Variants in POLN observed in about 807,000 individuals in gnomAD.
POLN encodes the protein DNA polymerase N.
Under a neutral mutation model 113.5 loss-of-function variants are expected in POLN, and 108 were observed. That is an observed-to-expected ratio of 0.95 (90% CI 0.81 to 1.12). POLN has a LOEUF of 1.12. Ranked by LOEUF, POLN falls within the 50% of genes most tolerant of loss-of-function variation. The pLI is 0.00. For missense variants in POLN, 1,097 were observed against 1,077.1 expected (o/e 1.02, Z -0.26); for synonymous variants, 386 against 391.5 (o/e 0.99, Z 0.17).
intron 20 of POLN, among the ~76,000 whole-genome samples, chr4:2,094,701 G>A (rs996628204): frequency 3.3e-5 from 5 of 152,194 alleles, no homozygotes; most frequent in Non-Finnish European, 7.3e-5. Context: ...GCAAAGCTCT[G>A]AGGTTGGAGC....
chr4:2,107,504 T>C (rs1731092442), intron 19 of POLN, among the ~76,000 whole-genome samples: 1 of 152,136 alleles, frequency 6.6e-6, no homozygotes, highest in Non-Finnish European at 1.5e-5. Context: ...GCTGACTGAA[T>C]CTTAGAGAGA....
chr4:2,186,270 T>C (rs1279509871), intron 7 of POLN, among the ~76,000 whole-genome samples: 1 of 152,114 alleles, frequency 6.6e-6, no homozygotes, highest in Non-Finnish European at 1.5e-5. Flanking sequence ...GCATCATGAG[T>C]GTCTGAAGGG....
rs35624275 is a variant in POLN, at chr4:2,073,542, A to G, written c.2456-513T>C. ...TGAGGCAACAGTGGCTTTGTGCCACAGGCAGGCTGACCCCGTTGTTGGGGC... is the reference window on the plus strand; with the variant it reads ...TGAGGCAACAGTGGCTTTGTGCCACGGGCAGGCTGACCCCGTTGTTGGGGC... On this transcript the variant is annotated intron_variant, in intron 24 of 25. Transcript: ENST00000511885. Among the ~76,000 whole-genome samples, 271 of 152,362 alleles carry G rather than the reference A, an allele frequency of 1.8e-3. 1 individual carries two copies. The highest frequency in any genetic ancestry group is 6.3e-3 in the African/African-American group (260 of 41,582).
intron 19 of POLN, among the ~76,000 whole-genome samples, chr4:2,096,774 T>C (rs1730807599): frequency 6.6e-6 from 1 of 151,644 alleles, no homozygotes; most frequent in Non-Finnish European, 1.5e-5. Flanking sequence ...CTTCTCCCAA[T>C]CTGTTTTGTG....
intron 14 of POLN, among the ~76,000 whole-genome samples, chr4:2,158,304 G>A (rs1018545637): frequency 1.3e-5 from 2 of 152,106 alleles, no homozygotes; most frequent in Admixed American, 6.6e-5. Context: ...TGCCGGGCAC[G>A]TGCTGCTACT....
chr4:2,114,263 T>G (rs1731266844), intron 19 of POLN, among the ~76,000 whole-genome samples: 1 of 152,034 alleles, frequency 6.6e-6, no homozygotes, highest in South Asian at 2.1e-4. Flanking sequence ...TATAAAAATA[T>G]ATAAAATAAA....
intron 16 of POLN, among the ~76,000 whole-genome samples, chr4:2,145,079 C>T (rs575579877): frequency 9.9e-5 from 15 of 151,832 alleles, no homozygotes; most frequent in Admixed American, 1.3e-4. Flanking sequence ...AAACAGTTAC[C>T]CAAATGGAAA....
At chr4:2,240,406 T>C in intron 2 of POLN, 1 of 1,613,002 alleles carries the variant, frequency 6.2e-7, no homozygotes, top group Non-Finnish European at 8.5e-7. Flanking sequence ...TTAGAATGTC[T>C]GAAGAACATC....
intron 20 of POLN, among the ~76,000 whole-genome samples, chr4:2,087,109 C>T (rs554536442): frequency 1.3e-5 from 2 of 152,304 alleles, no homozygotes; most frequent in Non-Finnish European, 2.9e-5. Context: ...GTCTAGGGTG[C>T]CCTGTTCTCC....
chr4:2,163,110 C>A (rs1732642739), intron 13 of POLN, among the ~76,000 whole-genome samples: 1 of 146,780 alleles, frequency 6.8e-6, no homozygotes, highest in African/African-American at 2.5e-5. Flanking sequence ...TGGGGGAGAA[C>A]TGATTATATG....
At chr4:2,097,270 A>AG (rs1337313481) in intron 19 of POLN, among the ~76,000 whole-genome samples, 2 of 151,660 alleles carry the variant, frequency 1.3e-5, no homozygotes, top group Admixed American at 6.6e-5. Flanking sequence ...AGCAGGGACC[A>AG]GGTCCCATGC....
At chr4:2,116,887 G>A (rs906926127) in intron 19 of POLN, among the ~76,000 whole-genome samples, 1 of 152,162 alleles carries the variant, frequency 6.6e-6, no homozygotes, top group Non-Finnish European at 1.5e-5. Flanking sequence ...TGACTCAGAC[G>A]CCTAGCAAAA....
rs1730253727 is a variant in POLN, at chr4:2,075,497, C to T, written c.2410G>A (p.Glu804Lys). The T allele has an allele frequency of 5.6e-6, 9 of 1,613,412 alleles. No individual in the cohort carries two copies. The highest frequency in any genetic ancestry group is 1.7e-5 in the Admixed American group (1 of 60,006). ...GGATCTTCCACTTCAAACAGCAGCT[C>T]ATCATGGATCTGGGCCACCAGCCTG... ...TARLVAQIHD[E>K]LLFEVEDPQI... The change falls in exon 24 of 26, where the codon GAG becomes AAG. Residue 804 changes from glutamate (E) to lysine (K), a missense_variant. By Grantham distance (56) the Glu-to-Lys change is moderately conservative. Coordinates refer to ENST00000511885, the MANE Select transcript of POLN (RefSeq NM_181808.4).
chr4:2,081,888 T>C (rs1187851821), intron 21 of POLN, 145 bp from the exon 22 acceptor site: 2 of 627,734 alleles, frequency 3.2e-6, no homozygotes, highest in African/African-American at 1.9e-5. Flanking sequence ...TTCGGGTCTA[T>C]CATGGGGGCA....
At chr4:2,188,619 AAAAAC>A (rs1459382661) in intron 7 of POLN, among the ~76,000 whole-genome samples, 2 of 137,578 alleles carry the variant, frequency 1.5e-5, no homozygotes, top group African/African-American at 6.6e-5. Flanking sequence ...CAAAAAACAA[AAAAAC>A]AAAACAAAAC....
chr4:2,081,536 T>C (rs1453760008), intron 22 of POLN, 97 bp downstream of exon 22: 1 of 1,171,564 alleles, frequency 8.5e-7, no homozygotes. Flanking sequence ...GAGCAGGAAA[T>C]ACCGCAACAG....
chr4:2,158,632 G>A (rs1457619641), intron 14 of POLN, among the ~76,000 whole-genome samples: 1 of 152,184 alleles, frequency 6.6e-6, no homozygotes, highest in Non-Finnish European at 1.5e-5. Flanking sequence ...CTATGCTGTG[G>A]GCAGTGGCAA....
chr4:2,241,408 CCAAA>C, intron 2 of POLN, 108 bp downstream of exon 2: 1 of 721,556 alleles, frequency 1.4e-6, no homozygotes. Flanking sequence ...ATAAATGGAT[CCAAA>C]CAAACCCAAG....
At chr4:2,180,921 T>TA (rs1011785358) in intron 7 of POLN, among the ~76,000 whole-genome samples, 1 of 151,832 alleles carries the variant, frequency 6.6e-6, no homozygotes, top group Non-Finnish European at 1.5e-5. Flanking sequence ...GTAAAACCTG[T>TA]AAAAAAGTAA....
Sources: allele counts gnomAD v4.1 joint callset (sites outside exome capture counted in the v4.1 genomes callset), GRCh38; gene constraint gnomAD v4.1.1; transcripts MANE v1.5; gene names NCBI Gene and HGNC (gene_info 2026-07-23, HGNC 2026-07-21).